The following IQGAP1 variants were observed in gnomAD, a reference collection of about 807,000 sequenced individuals.
The protein encoded by IQGAP1 is IQ motif containing GTPase activating protein 1.
A neutral mutation model predicts 215.6 loss-of-function variants in IQGAP1; 66 were observed. That is an observed-to-expected ratio of 0.31 (90% confidence interval 0.25 to 0.38). The LOEUF (loss-of-function observed/expected upper bound fraction) is 0.38, where lower values mean the gene tolerates loss of function less well. Ranked by LOEUF, IQGAP1 falls within the 10% of genes least tolerant of loss-of-function variation. The pLI is 1.00. For missense variants in IQGAP1, 1,712 were observed against 1,997.1 expected, an observed-to-expected ratio of 0.86 and a Z score of 2.72; for synonymous variants, 772 against 728.7, an observed-to-expected ratio of 1.06 and a Z score of -0.96.
At chr15:90,415,022 A>G (rs1169445532) in intron 2 of IQGAP1, among the ~76,000 whole-genome samples, 1 of 152,206 alleles carries the variant, frequency 6.6e-6, no homozygotes, top group Non-Finnish European at 1.5e-5. Flanking sequence ...TTTGCTGTAG[A>G]TGGTATATGG....
rs1305709752 is a variant in IQGAP1 at position 90,426,215 on chromosome 15, C to T, written c.261C>T (p.Pro87=). Residue 87 remains proline, a synonymous_variant, in exon 3 of 38, where the codon CCC becomes CCT. Transcript: ENST00000268182. The part of the protein sequence containing the change: ...YLAKLGNFFS[P]KVVSLKKIYD... ...CCAAACTGGGGAACTTCTTCTCTCC[C>T]AAAGTAGTGTCCCTGAAAAAAATCT... 1.2e-6 allele frequency: 2 copies of T among 1,604,658 alleles called. No homozygotes were observed. The highest frequency in any genetic ancestry group is 1.7e-6 in the Non-Finnish European group (2 of 1,177,114).
chr15:90,439,276 G>C, intron 5 of IQGAP1, 56 bp from the exon 6 acceptor site: 4 of 1,397,606 alleles, frequency 2.9e-6, no homozygotes, highest in Non-Finnish European at 4.0e-6. Flanking sequence ...CGCCTTTTAA[G>C]GGTGGCAGCT....
At chr15:90,389,467 C>G (rs1255490000) in intron 1 of IQGAP1, among the ~76,000 whole-genome samples, 1 of 151,466 alleles carries the variant, frequency 6.6e-6, no homozygotes, top group East Asian at 1.9e-4. Context: ...TGCAGTCTCC[C>G]GAGTACAGGC....
At chr15:90,395,293 G>C (rs936840572) in intron 2 of IQGAP1, among the ~76,000 whole-genome samples, 1 of 150,066 alleles carries the variant, frequency 6.7e-6, no homozygotes, top group Admixed American at 6.7e-5. Flanking sequence ...TTTTACATTT[G>C]TTTAGGCTAA....
chr15:90,441,516 T>C lies in IQGAP1; in HGVS notation c.660T>C (p.Ala220=), dbSNP rs1469982377. The stretch of plus-strand genomic sequence containing the variant: ...TGTTTTTTTTTTTAGTACATGCTGC[T>C]GTTATTGCTATTAATGAAGCTATTG... The part of the protein sequence containing the change: ...LSVDEAALHA[A]VIAINEAIDR... Residue 220 remains alanine, a synonymous_variant, in exon 8 of 38, where the codon GCT becomes GCC. Coordinates refer to ENST00000268182, the MANE Select transcript of IQGAP1 (RefSeq NM_003870.4). 7 of 1,612,572 alleles carry C rather than the reference T, an allele frequency of 4.3e-6. No individual in the cohort carries two copies. The highest frequency in any genetic ancestry group is 1.7e-4 in the Middle Eastern group (1 of 6,056).
intron 2 of IQGAP1, among the ~76,000 whole-genome samples, chr15:90,418,117 T>A (rs537948674): frequency 9.5e-4 from 145 of 152,298 alleles, no homozygotes; most frequent in African/African-American, 3.3e-3. Context: ...AGGTGCTGAC[T>A]GGTATTCAGC....
In IQGAP1 at chr15:90,440,629, A is replaced by G; in HGVS notation, c.649+14A>G. 1 of 1,516,220 alleles carries G rather than the reference A, an allele frequency of 6.6e-7. No individual in the cohort carries two copies. Among genetic ancestry groups the G allele is most frequent in the Non-Finnish European group, 9.0e-7 (1 of 1,114,000 alleles). 93.9% of individuals were successfully genotyped at this position (1,516,220 alleles called of 1,614,324 possible). On this transcript the variant is annotated intron_variant, in intron 7 of 37. Coordinates refer to ENST00000268182, the MANE Select transcript of IQGAP1 (RefSeq NM_003870.4). The stretch of plus-strand genomic sequence containing the variant: ...ATGAAGCCGCATGTAAGAAGAGAGA[A>G]ATTTTGTGGGTTCAACTGGGATTGT...
At chr15:90,498,357 A>T (rs1336522732) in intron 37 of IQGAP1, among the ~76,000 whole-genome samples, 2 of 5,006 alleles carry the variant, frequency 4.0e-4, no homozygotes, top group Non-Finnish European at 1.8e-3. Flanking sequence ...TACTTCCACC[A>T]AAAAAAAAAA....
At chr15:90,421,306 T>C (rs1226562200) in intron 2 of IQGAP1, among the ~76,000 whole-genome samples, 5 of 152,040 alleles carry the variant, frequency 3.3e-5, no homozygotes, top group African/African-American at 1.2e-4. Flanking sequence ...TGAAACCCCA[T>C]CTCTACTAAA....
At chr15:90,434,141 C>G (rs1965338440) in intron 5 of IQGAP1, among the ~76,000 whole-genome samples, 1 of 151,990 alleles carries the variant, frequency 6.6e-6, no homozygotes, top group Non-Finnish European at 1.5e-5. Context: ...TTCATTCATT[C>G]AATAATTTTT....
intron 26 of IQGAP1, among the ~76,000 whole-genome samples, chr15:90,478,350 A>G (rs1966009688): frequency 1.3e-5 from 2 of 152,194 alleles, no homozygotes; most frequent in South Asian, 4.1e-4. Flanking sequence ...TAATAAATTC[A>G]CTTATTTAGC....
intron 2 of IQGAP1, among the ~76,000 whole-genome samples, chr15:90,406,578 C>T (rs760463473): frequency 8.5e-5 from 13 of 152,168 alleles, no homozygotes; most frequent in East Asian, 1.9e-4. Flanking sequence ...GTTTACGTTA[C>T]GAATCGTATC....
intron 11 of IQGAP1, 111 bp from the exon 12 acceptor site, chr15:90,452,664 C>G (rs769530768): frequency 6.8e-5 from 87 of 1,282,704 alleles, no homozygotes; most frequent in Non-Finnish European, 9.0e-5. Flanking sequence ...CCACTTCAAA[C>G]TTCATGGCTG....
chr15:90,428,377 C>T (rs1314879509), intron 3 of IQGAP1, among the ~76,000 whole-genome samples: 1 of 152,074 alleles, frequency 6.6e-6, no homozygotes, highest in African/African-American at 2.4e-5. Context: ...GTGCCCAGCC[C>T]TTTGCTCAGT....
chr15:90,497,542 C>G (rs74703611), intron 37 of IQGAP1, among the ~76,000 whole-genome samples: 1 of 152,202 alleles, frequency 6.6e-6, no homozygotes, highest in Non-Finnish European at 1.5e-5. Flanking sequence ...GCAGATGTCA[C>G]TCTTCAGAAA....
chr15:90,399,157 T>A (rs1964770792), intron 2 of IQGAP1, among the ~76,000 whole-genome samples: 5 of 151,958 alleles, frequency 3.3e-5, no homozygotes, highest in Admixed American at 3.3e-4. Flanking sequence ...GAGATGGGGT[T>A]TCTCTATGTT....
At position 90,477,092 on chromosome 15, in the gene IQGAP1, T is replaced by C; in HGVS notation, c.2966T>C (p.Leu989Pro). 6.2e-7 allele frequency: 1 copy of C among 1,614,170 alleles called. No individual in the cohort carries two copies. The highest frequency in any genetic ancestry group is 8.5e-7 in the Non-Finnish European group (1 of 1,180,018). ...ACCAATCCCACCTATCTGGCCAAGCTCATTTTTCAGATGCCCCAGAACAAG... is the reference window on the plus strand; with the variant it reads ...ACCAATCCCACCTATCTGGCCAAGCCCATTTTTCAGATGCCCCAGAACAAG... ...LQTNPTYLAK[L>P]IFQMPQNKST... is the part of the protein sequence containing the mutation. The change falls in exon 25 of 38, where the codon CTC becomes CCC. Residue 989 changes from leucine (L) to proline (P), a missense_variant. Physicochemically the swap from Leu to Pro is moderately conservative, Grantham distance 98. Transcript: ENST00000268182.
At chr15:90,395,414 A>G (rs529089122) in intron 2 of IQGAP1, among the ~76,000 whole-genome samples, 25 of 151,542 alleles carry the variant, frequency 1.6e-4, no homozygotes, top group South Asian at 1.5e-3. Context: ...TCCGCCTCCC[A>G]GGTTAACGCC....
rs765182336 is a variant in IQGAP1 at position 90,474,103 on chromosome 15, A to G, written c.2545A>G (p.Asn849Asp). 6.2e-7 allele frequency: 1 copy of G among 1,613,416 alleles called. No individual in the cohort carries two copies. Among genetic ancestry groups the G allele is most frequent in the Non-Finnish European group, 8.5e-7 (1 of 1,179,734 alleles). Residue 849 changes from asparagine (N) to aspartate (D), a missense_variant, in exon 22 of 38, where the codon AAC (asparagine) becomes GAC (aspartate). Physicochemically the swap from Asn to Asp is conservative, Grantham distance 23 (BLOSUM62 1). Transcript: ENST00000268182. ...IIKIQAFIRA[N>D]KARDDYKTLI... is the part of the protein sequence containing the mutation. ...CAAAATCCAGGCTTTTATTCGGGCA[A>G]ACAAAGCTCGGGATGACTACAAGAC... is the stretch of plus-strand genomic sequence containing the variant.
Sources: allele counts gnomAD v4.1 joint callset (sites outside exome capture counted in the v4.1 genomes callset), GRCh38; gene constraint gnomAD v4.1.1; transcripts MANE v1.5; gene names NCBI Gene and HGNC (gene_info 2026-07-23, HGNC 2026-07-21).